AJUBA: variants seen among roughly 807,000 people sequenced by gnomAD.
The protein encoded by AJUBA is LIM domain-containing protein ajuba.
A neutral mutation model predicts 53.3 loss-of-function variants in AJUBA; 20 were observed. That is an observed-to-expected ratio of 0.38 (90% CI 0.26 to 0.55). The LOEUF (loss-of-function observed/expected upper bound fraction) is 0.55. AJUBA is among the 20% of genes least tolerant of loss of function. The pLI is 0.80. For synonymous variants in AJUBA, 296 were observed against 306.2 expected, an observed-to-expected ratio of 0.97 and a Z score of 0.35; for missense variants, 580 against 730.5, an observed-to-expected ratio of 0.79 and a Z score of 2.38.
Position 22,982,458 on chromosome 14 carries a change from C to T in AJUBA, c.-192G>A. ...CCCCCAGCGGGAGGGGCTGCGTCCC[C>T]CCGCGCATCTGGGGCTGAGCGGGGC... is the stretch of plus-strand genomic sequence containing the variant. On this transcript the variant is annotated 5_prime_UTR_variant, in exon 1 of 8. Transcript: ENST00000262713. The T allele has an allele frequency of 7.0e-7, 1 of 1,428,720 alleles. No individual in the cohort carries two copies. Among genetic ancestry groups the T allele is most frequent in the Non-Finnish European group, 9.1e-7 (1 of 1,099,160 alleles). The allele number at this position is 1,428,720 out of a possible 1,614,324, so 88.5% of individuals were successfully genotyped here. A position where few individuals can be genotyped will look rare whatever the true frequency, so the allele number is the denominator to read the frequency against.
chr14:22,979,072 T>C lies in AJUBA; in HGVS notation c.1007-627A>G, dbSNP rs1477036182. ...GTGGCTGCTGAGAATGCAGGGTGTG[T>C]TCCAGGAACCAGGGTTGAACAGGAA... is the stretch of plus-strand genomic sequence containing the variant. On this transcript the variant is annotated intron_variant, in intron 1 of 7. Coordinates refer to ENST00000262713, the MANE Select transcript of AJUBA (RefSeq NM_032876.6). This position sits in a 1 kb window ranked among gnomAD's most constrained non-coding sequence, Gnocchi z 4.0. 7.0e-6 allele frequency: 9 copies of C among 1,288,070 alleles called. No homozygotes were observed. The Admixed American group carries it at 1.6e-4, about 23-fold the overall frequency. 79.8% of individuals were successfully genotyped at this position (1,288,070 alleles called of 1,614,324 possible). A position where few individuals can be genotyped will look rare whatever the true frequency, so the allele number is the denominator to read the frequency against.
In AJUBA at chr14:22,973,190, T is replaced by G. The variant is rs1413144755; in HGVS notation, c.*253A>C. ...AGATGTTCAGAAAGTCCTGGAACCC[T>G]CCTGTGTGTGCCTAAGCTCAGACTG... On this transcript the variant is annotated 3_prime_UTR_variant, in exon 8 of 8. Transcript: ENST00000262713. 1 of 522,200 alleles carries G rather than the reference T, an allele frequency of 1.9e-6. No individual in the cohort carries two copies. The highest frequency in any genetic ancestry group is 3.4e-5 in the East Asian group (1 of 29,170). 32.3% of individuals were successfully genotyped at this position (522,200 alleles called of 1,614,324 possible). A position where few individuals can be genotyped will look rare whatever the true frequency, so the allele number is the denominator to read the frequency against.
Position 22,973,280 on chromosome 14 carries a change from A to C in AJUBA, c.*163T>G. 1 of 1,078,682 alleles carries C rather than the reference A, an allele frequency of 9.3e-7. No individual in the cohort carries two copies. The allele number at this position is 1,078,682 out of a possible 1,614,324, so 66.8% of individuals were successfully genotyped here. On this transcript the variant is annotated 3_prime_UTR_variant, in exon 8 of 8. Coordinates refer to ENST00000262713, the MANE Select transcript of AJUBA (RefSeq NM_032876.6). ...ATATAAGGTTTCTCTTCCACAATCC[A>C]TTTGGAATATCATGATCTTTGGGTC... is the stretch of plus-strand genomic sequence containing the variant.
intron 2 of AJUBA, chr14:22,977,253 A>T: frequency 1.0e-6 from 1 of 978,286 alleles, no homozygotes. Context: ...TTTGTTTGGA[A>T]GCAAAGCAGG....
intron 1 of AJUBA, among the ~76,000 whole-genome samples, chr14:22,980,927 G>T (rs1289931334): frequency 6.6e-6 from 1 of 152,076 alleles, no homozygotes; most frequent in Non-Finnish European, 1.5e-5. Context: ...AAAGGGGGGA[G>T]CAAGTTGGGG....
chr14:22,974,183 A>G (rs2045012493), intron 6 of AJUBA, 68 bp from the exon 7 acceptor site: 38 of 1,535,416 alleles, frequency 2.5e-5, no homozygotes, highest in Non-Finnish European at 3.3e-5. Context: ...TCCCTCATAT[A>G]CAACCCTTCC....
intron 7 of AJUBA, 138 bp from the exon 8 acceptor site, chr14:22,973,706 A>C: frequency 8.4e-7 from 1 of 1,193,892 alleles, no homozygotes; most frequent in South Asian, 1.5e-5. Context: ...GATGGAAGGG[A>C]TGGAAGAGCA....
chr14:22,974,904 G>A lies in AJUBA; in HGVS notation c.1371-14C>T, dbSNP rs1360707384. On this transcript the variant is annotated splice_polypyrimidine_tract_variant and intron_variant, in intron 5 of 7. Transcript: ENST00000262713. ...GGAGCATAATTTCTGAAAGAGAGAG[G>A]GAAGAGATGAGCTGAGGCTGGGGAA... 6.2e-7 allele frequency: 1 copy of A among 1,613,792 alleles called. No homozygotes were observed. Among genetic ancestry groups the A allele is most frequent in the African/African-American group, 1.3e-5 (1 of 74,932 alleles).
chr14:22,978,144 C>T (rs1474845788), intron 2 of AJUBA, among the ~76,000 whole-genome samples, 200 bp downstream of exon 2: 4 of 152,008 alleles, frequency 2.6e-5, no homozygotes, highest in African/African-American at 4.8e-5. Flanking sequence ...ACCCACCAGG[C>T]GGAGGGAGAG....
rs561426391 is a variant in AJUBA, at chr14:22,981,433, G to T, written c.834C>A (p.Asp278Glu). The T allele has an allele frequency of 5.6e-6, 9 of 1,611,678 alleles. No individual in the cohort carries two copies. In the South Asian group the frequency reaches 8.8e-5, roughly 16 times the overall value. The change falls in exon 1 of 8, where the codon GAC becomes GAA. Residue 278 changes from aspartate (D) to glutamate (E), a missense_variant. Physicochemically the swap from Asp to Glu is conservative, Grantham distance 45. Around this residue, in one of 2 missense-constraint regions of AJUBA, gnomAD observed 430 missense variants for 471.5 expected, o/e 0.91. Coordinates refer to ENST00000262713, the MANE Select transcript of AJUBA (RefSeq NM_032876.6). ...TCAGGCGAAGCAAAGCTGTTAGCTC[G>T]TCCTGGTACCGGGCGCCCACGGCGC... ...GDCAVGARYQ[D>E]ELTALLRLTV...
In AJUBA at chr14:22,973,440, A is replaced by T. The variant is rs758590923; in HGVS notation, c.*3T>A. On this transcript the variant is annotated 3_prime_UTR_variant, in exon 8 of 8. Coordinates refer to ENST00000262713, the MANE Select transcript of AJUBA (RefSeq NM_032876.6). ...GGGTGACAGCAGCAGCAGTGATTGC[A>T]GCTCAGATATAGTTGGCAGGGGGTT... is the stretch of plus-strand genomic sequence containing the variant. The T allele has an allele frequency of 3.9e-5, 62 of 1,607,032 alleles. No homozygotes were observed. Among genetic ancestry groups the T allele is most frequent in the Non-Finnish European group, 4.9e-5 (58 of 1,176,742 alleles).
In AJUBA at chr14:22,974,960, A is replaced by AG; in HGVS notation, c.1370+13dup. The AG allele has an allele frequency of 6.2e-7, 1 of 1,614,024 alleles. No homozygotes were observed. On this transcript the variant is annotated intron_variant, in intron 5 of 7. Coordinates refer to ENST00000262713, the MANE Select transcript of AJUBA (RefSeq NM_032876.6). The stretch of plus-strand genomic sequence containing the variant: ...GGACCCAGTTCCACACTGCATCCCA[A>AG]GGGGCAGACTCACTTGTGGTAGTCG...
chr14:22,978,583 C>T (rs781665644), intron 1 of AJUBA, 138 bp from the exon 2 acceptor site: 208 of 1,431,640 alleles, frequency 1.5e-4, no homozygotes, highest in Non-Finnish European at 1.8e-4. Context: ...GAGAAGATAA[C>T]GAGTAATGAG....
intron 2 of AJUBA, chr14:22,977,244 T>C (rs2045046112): frequency 1.0e-6 from 1 of 984,604 alleles, no homozygotes; most frequent in African/African-American, 1.7e-5. Context: ...ACAAAGTGCT[T>C]TGTTTGGAAG....
intron 4 of AJUBA, chr14:22,975,930 A>G: frequency 6.5e-6 from 1 of 152,964 alleles, no homozygotes; most frequent in Non-Finnish European, 1.5e-5. Flanking sequence ...TGGGAGGCTG[A>G]GGCAGGAGGA....
In AJUBA at chr14:22,981,454, G is replaced by C; in HGVS notation, c.813C>G (p.Ala271=). 5 of 1,609,948 alleles carry C rather than the reference G, an allele frequency of 3.1e-6. No individual in the cohort carries two copies. The highest frequency in any genetic ancestry group is 4.2e-6 in the Non-Finnish European group (5 of 1,178,844). ...RHSVTGYGDC[A]VGARYQDELT... ...GCTCGTCCTGGTACCGGGCGCCCAC[G>C]GCGCAGTCCCCGTAGCCGGTCACAG... The change falls in exon 1 of 8, where the codon GCC becomes GCG. Residue 271 remains alanine (A), a synonymous_variant. Transcript: ENST00000262713.
At chr14:22,978,582 A>C in intron 1 of AJUBA, 137 bp from the exon 2 acceptor site, 2 of 1,433,448 alleles carry the variant, frequency 1.4e-6, no homozygotes, top group Non-Finnish European at 1.8e-6. Flanking sequence ...AGAGAAGATA[A>C]CGAGTAATGA....
At chr14:22,977,585 G>T (rs1427538877) in intron 2 of AJUBA, 1 of 152,288 alleles carries the variant, frequency 6.6e-6, no homozygotes, top group Non-Finnish European at 1.5e-5. Flanking sequence ...GATATAGCCA[G>T]AAGAGGCCCT....
intron 4 of AJUBA, 34 bp downstream of exon 4, chr14:22,976,422 A>G: frequency 6.2e-7 from 1 of 1,608,198 alleles, no homozygotes; most frequent in Non-Finnish European, 8.5e-7. Context: ...TCAGCCTCAC[A>G]GTGAGACTTC....
Sources: allele counts gnomAD v4.1 joint callset (sites outside exome capture counted in the v4.1 genomes callset), GRCh38; gene constraint gnomAD v4.1.1; regional missense constraint gnomAD v4.1.1; non-coding constraint Gnocchi (gnomAD v3.1); transcripts MANE v1.5; gene names NCBI Gene and HGNC (gene_info 2026-07-23, HGNC 2026-07-21).